The following XKR9 variants were observed in gnomAD, a reference collection of about 807,000 sequenced individuals.
The protein encoded by XKR9 is XK-related protein 9.
Under a neutral mutation model 32.0 loss-of-function variants are expected in XKR9, and 32 were observed. The observed-to-expected ratio is 1.00, with a 90% CI of 0.76 to 1.34. The LOEUF (loss-of-function observed/expected upper bound fraction) is 1.34. Among genes scored for constraint, XKR9 ranks in the 40% most tolerant of loss-of-function variants. The pLI is 0.00. For missense variants in XKR9, 546 were observed against 429.7 expected, an observed-to-expected ratio of 1.27 and a Z score of -2.39; for synonymous variants, 168 against 143.4, an observed-to-expected ratio of 1.17 and a Z score of -1.22.
chr8:71,053,943 A>G, the XKR9 span, among the ~76,000 whole-genome samples: 2 of 152,284 alleles, frequency 1.3e-5, no homozygotes, highest in Admixed American at 1.3e-4. Context: ...TCACATAGAG[A>G]GCTTGTTTTC....
chr8:70,901,249 A>G, the XKR9 span, among the ~76,000 whole-genome samples: 5 of 152,158 alleles, frequency 3.3e-5, no homozygotes, highest in African/African-American at 4.8e-5. Flanking sequence ...CTTCCACAAT[A>G]GTTGAACTAG....
rs541227946 is a variant in XKR9 at position 70,734,702 on chromosome 8, G to A, written c.*278G>A. 4.4e-5 allele frequency: 10 copies of A among 228,574 alleles called. No individual in the cohort carries two copies. The highest frequency in any genetic ancestry group is 3.6e-4 in the South Asian group (4 of 11,246). 14.2% of individuals were successfully genotyped at this position (228,574 alleles called of 1,614,324 possible). Reference sequence around the variant, plus strand: ...TCTGGTTTTCATAATGAGAAGGCTGGAATTGAGCTTCCCTCCCATTTTCCT... The same window carrying A: ...TCTGGTTTTCATAATGAGAAGGCTGAAATTGAGCTTCCCTCCCATTTTCCT... On this transcript the variant is annotated 3_prime_UTR_variant, in exon 5 of 5. Coordinates refer to ENST00000408926, the MANE Select transcript of XKR9 (RefSeq NM_001011720.2).
chr8:70,699,540 G>T (rs1183744595), intron 3 of XKR9, among the ~76,000 whole-genome samples: 1 of 152,184 alleles, frequency 6.6e-6, no homozygotes, highest in Non-Finnish European at 1.5e-5. Flanking sequence ...TAGCGTTTCT[G>T]CTGAGAGATC....
At chr8:71,001,436 T>G in the XKR9 span, among the ~76,000 whole-genome samples, 1 of 152,184 alleles carries the variant, frequency 6.6e-6, no homozygotes, top group Admixed American at 6.5e-5. Flanking sequence ...TAATTTTTTG[T>G]ATTTTTTGTA....
At chr8:70,784,134 G>A (rs1807652401) in intron 2 of XKR9, among the ~76,000 whole-genome samples, 1 of 152,156 alleles carries the variant, frequency 6.6e-6, no homozygotes, top group African/African-American at 2.4e-5. Flanking sequence ...GTCAGGTAGT[G>A]TGATGCCTCC....
the XKR9 span, among the ~76,000 whole-genome samples, chr8:70,843,317 G>A: frequency 6.6e-6 from 1 of 152,134 alleles, no homozygotes; most frequent in Non-Finnish European, 1.5e-5. Context: ...CTGATAGTAA[G>A]CACTATTTTA....
At chr8:70,741,047 G>A (rs1300556727) in intron 2 of XKR9, among the ~76,000 whole-genome samples, 2 of 152,236 alleles carry the variant, frequency 1.3e-5, no homozygotes, top group South Asian at 2.1e-4. Flanking sequence ...CTGTCTTTTT[G>A]TTTGTCTGTG....
the XKR9 span, among the ~76,000 whole-genome samples, chr8:70,809,269 G>A: frequency 2.2e-4 from 34 of 152,226 alleles, no homozygotes; most frequent in Middle Eastern, 0.01. Context: ...AAACAGAAAG[G>A]ACATCCACAC....
chr8:70,677,259 C>T (rs1464055122), intron 2 of XKR9, among the ~76,000 whole-genome samples: 1 of 152,166 alleles, frequency 6.6e-6, no homozygotes, highest in Non-Finnish European at 1.5e-5. Flanking sequence ...GATCCTCCCA[C>T]CTCAGCCTCC....
chr8:71,041,525 G>A, the XKR9 span, among the ~76,000 whole-genome samples: 10 of 151,958 alleles, frequency 6.6e-5, no homozygotes, highest in Admixed American at 3.9e-4. Context: ...TAAAATGATC[G>A]AACTCATGCT....
the XKR9 span, among the ~76,000 whole-genome samples, chr8:70,814,019 A>T: frequency 1.3e-5 from 2 of 152,226 alleles, no homozygotes; most frequent in African/African-American, 4.8e-5. Flanking sequence ...CATTATTCAC[A>T]ATAGCAAAGA....
intron 4 of XKR9, among the ~76,000 whole-genome samples, chr8:70,709,130 A>G (rs1690964869): frequency 6.6e-6 from 1 of 152,120 alleles, no homozygotes; most frequent in Admixed American, 6.6e-5. Context: ...CTAGGATGCA[A>G]GGTTTATTCA....
At chr8:70,729,854 A>G (rs905696206) in intron 4 of XKR9, among the ~76,000 whole-genome samples, 5 of 152,198 alleles carry the variant, frequency 3.3e-5, no homozygotes, top group Non-Finnish European at 5.9e-5. Flanking sequence ...TGCTTCCTGT[A>G]TGATTTTTAT....
At chr8:70,747,839 T>C (rs576596317) in intron 2 of XKR9, among the ~76,000 whole-genome samples, 36 of 152,282 alleles carry the variant, frequency 2.4e-4, no homozygotes, top group African/African-American at 8.4e-4. Flanking sequence ...TTGGATGACA[T>C]TTATGAGTCA....
chr8:70,998,826 G>C, the XKR9 span, among the ~76,000 whole-genome samples: 1 of 152,170 alleles, frequency 6.6e-6, no homozygotes, highest in African/African-American at 2.4e-5. Flanking sequence ...GTTTGAGAGG[G>C]TCCATGACCA....
the XKR9 span, among the ~76,000 whole-genome samples, chr8:70,854,293 T>C: frequency 6.6e-6 from 1 of 152,262 alleles, no homozygotes; most frequent in Non-Finnish European, 1.5e-5. Flanking sequence ...ATGAGCATTT[T>C]TTCATGTGCC....
chr8:70,941,934 A>G, the XKR9 span, among the ~76,000 whole-genome samples: 6 of 152,270 alleles, frequency 3.9e-5, no homozygotes, highest in African/African-American at 1.4e-4. Flanking sequence ...AAATGAGATT[A>G]TATTAGTTGT....
chr8:70,737,090 C>T (rs1185499524), downstream of XKR9, among the ~76,000 whole-genome samples: 7 of 151,312 alleles, frequency 4.6e-5, no homozygotes, highest in East Asian at 1.3e-3. Context: ...TTGATTCTTC[C>T]TATCCATGAG....
At chr8:71,062,264 C>T in the XKR9 span, among the ~76,000 whole-genome samples, 48,868 of 151,994 alleles carry the variant, frequency 0.32, 9,148 homozygotes, top group Non-Finnish European at 0.43. Context: ...AAAATACCAT[C>T]GACTGGGTGG....
Sources: gnomAD v4.1 joint callset for allele counts (sites outside exome capture counted in the v4.1 genomes callset) on GRCh38, gnomAD v4.1.1 for gene constraint, MANE v1.5 for transcripts, NCBI Gene and HGNC (gene_info 2026-07-23, HGNC 2026-07-21) for gene names.